Variants in MIR2052HG observed in about 807,000 individuals in gnomAD.
The protein encoded by MIR2052HG is MIR2052 host gene.
intron 2 of MIR2052HG, among the ~76,000 whole-genome samples, chr8:74,647,988 T>C (rs1169065357): frequency 6.6e-6 from 1 of 152,138 alleles, no homozygotes; most frequent in African/African-American, 2.4e-5. Context: ...GTAAAATATG[T>C]GTGTTTGAAC....
intron 2 of MIR2052HG, among the ~76,000 whole-genome samples, chr8:74,618,742 G>C (rs1258115586): frequency 6.6e-6 from 1 of 152,160 alleles, no homozygotes; most frequent in Non-Finnish European, 1.5e-5. Flanking sequence ...ACAAGACAAA[G>C]ATGCGCACTC....
At chr8:74,703,195 T>C (rs927494436) in intron 3 of MIR2052HG, among the ~76,000 whole-genome samples, 5 of 152,040 alleles carry the variant, frequency 3.3e-5, no homozygotes, top group African/African-American at 1.2e-4. Flanking sequence ...ATAGGACTGA[T>C]GGTGACCAAA....
chr8:74,611,523 G>A (rs776751088), intron 1 of MIR2052HG, among the ~76,000 whole-genome samples: 26 of 152,234 alleles, frequency 1.7e-4, no homozygotes, highest in Non-Finnish European at 3.7e-4. Context: ...TTTGCAAGAT[G>A]TCTGTTAACA....
At chr8:74,708,579 T>C (rs1809433859) in intron 4 of MIR2052HG, among the ~76,000 whole-genome samples, 1 of 152,112 alleles carries the variant, frequency 6.6e-6, no homozygotes, top group Non-Finnish European at 1.5e-5. Flanking sequence ...CCTCCTTTGT[T>C]ACTCTTCTCA....
At chr8:74,740,890 T>A (rs1278867288) in intron 4 of MIR2052HG, among the ~76,000 whole-genome samples, 5 of 137,996 alleles carry the variant, frequency 3.6e-5, no homozygotes, top group African/African-American at 1.3e-4. Flanking sequence ...TCTCTACCCC[T>A]GGGTTATGAT....
At chr8:74,715,501 G>T (rs1809511082) in intron 4 of MIR2052HG, among the ~76,000 whole-genome samples, 1 of 152,148 alleles carries the variant, frequency 6.6e-6, no homozygotes, top group Non-Finnish European at 1.5e-5. Flanking sequence ...ACTCAAAGGT[G>T]TTTGACTAGA....
intron 4 of MIR2052HG, among the ~76,000 whole-genome samples, chr8:74,734,593 C>T (rs976902901): frequency 5.3e-5 from 8 of 152,184 alleles, no homozygotes; most frequent in Non-Finnish European, 1.5e-5. Context: ...TCTTTCTTCC[C>T]AACTGTAGGT....
intron 2 of MIR2052HG, among the ~76,000 whole-genome samples, chr8:74,636,979 T>C (rs1163511721): frequency 6.6e-6 from 1 of 152,156 alleles, no homozygotes; most frequent in Non-Finnish European, 1.5e-5. Context: ...CAGGGCTCTT[T>C]GGGATTATCT....
intron 4 of MIR2052HG, among the ~76,000 whole-genome samples, chr8:74,711,129 C>T (rs917676448): frequency 3.3e-5 from 5 of 152,176 alleles, no homozygotes; most frequent in Admixed American, 6.6e-5. Flanking sequence ...CACTGGAAAA[C>T]TGAAACATGA....
intron 2 of MIR2052HG, among the ~76,000 whole-genome samples, chr8:74,658,124 A>G (rs1287132314): frequency 6.6e-6 from 1 of 152,052 alleles, no homozygotes; most frequent in Non-Finnish European, 1.5e-5. Flanking sequence ...AAATACCTAT[A>G]TACTCACTCC....
intron 4 of MIR2052HG, among the ~76,000 whole-genome samples, chr8:74,714,407 G>A (rs1410920217): frequency 1.3e-5 from 2 of 152,126 alleles, no homozygotes; most frequent in African/African-American, 2.4e-5. Context: ...ACGGGGAAAG[G>A]AAATTATAAA....
rs1808814666 is a variant in MIR2052HG, at chr8:74,657,066, A to G, written n.216+44126A>G. ...GTACTGCAAAGATGCAAGTCTGCAA[A>G]CTCGTACAAACACTGCAGCATACAG... On this transcript the variant is annotated intron_variant and non_coding_transcript_variant, in intron 2 of 6. Transcript: ENST00000523442. Among the ~76,000 whole-genome samples the G allele has an allele frequency of 2.0e-5, 3 of 152,156 alleles. No homozygotes were observed. In the South Asian group the frequency reaches 6.2e-4, roughly 32 times the overall value.
At chr8:74,658,793 G>A (rs1808833101) in intron 2 of MIR2052HG, among the ~76,000 whole-genome samples, 1 of 152,022 alleles carries the variant, frequency 6.6e-6, no homozygotes, top group East Asian at 1.9e-4. Context: ...CACTTAATGT[G>A]ATTAAAGGCA....
At chr8:74,693,690 G>T (rs548813859) in intron 2 of MIR2052HG, among the ~76,000 whole-genome samples, 7 of 152,114 alleles carry the variant, frequency 4.6e-5, no homozygotes, top group African/African-American at 1.7e-4. Context: ...ATCACTGCCA[G>T]CTTTTCCCCA....
At chr8:74,681,132 G>A (rs1055688315) in intron 2 of MIR2052HG, among the ~76,000 whole-genome samples, 25 of 151,096 alleles carry the variant, frequency 1.7e-4, no homozygotes, top group Non-Finnish European at 1.2e-4. Context: ...GTTAGTGGGC[G>A]CAGCGCACCA....
intron 4 of MIR2052HG, among the ~76,000 whole-genome samples, chr8:74,715,118 TCTATTA>T (rs1809507823): frequency 1.3e-5 from 2 of 152,218 alleles, no homozygotes; most frequent in East Asian, 3.8e-4. Flanking sequence ...TTAGAATATT[TCTATTA>T]CTATTAGTAA....
At chr8:74,752,744 A>C (rs1809960927) in intron 5 of MIR2052HG, among the ~76,000 whole-genome samples, 1 of 152,214 alleles carries the variant, frequency 6.6e-6, no homozygotes, top group African/African-American at 2.4e-5. Context: ...ATTTACTAAA[A>C]ACAGTGTAAA....
chr8:74,674,327 G>A (rs1000445599), intron 2 of MIR2052HG, among the ~76,000 whole-genome samples: 1 of 151,666 alleles, frequency 6.6e-6, no homozygotes, highest in Non-Finnish European at 1.5e-5. Context: ...TAGAGTGATG[G>A]CTTCTTACAC....
intron 2 of MIR2052HG, among the ~76,000 whole-genome samples, chr8:74,617,333 A>G (rs1010105959): frequency 2.0e-5 from 3 of 152,168 alleles, no homozygotes; most frequent in Non-Finnish European, 4.4e-5. Flanking sequence ...ATAAGTGAGA[A>G]CATGCAGTAT....
Sources: allele counts gnomAD v4.1 joint callset (sites outside exome capture counted in the v4.1 genomes callset), GRCh38; gene constraint gnomAD v4.1.1; transcripts MANE v1.5; gene names NCBI Gene and HGNC (gene_info 2026-07-23, HGNC 2026-07-21).